Variants in IMMP2L observed in about 807,000 individuals in gnomAD.
IMMP2L encodes the protein mitochondrial inner membrane protease subunit 2.
IMMP2L carries 18 observed loss-of-function variants against 19.3 expected under a neutral mutation model. That is an observed-to-expected ratio of 0.93 (90% CI 0.64 to 1.38). IMMP2L has a LOEUF of 1.38. Ranked by LOEUF, IMMP2L falls within the 40% of genes most tolerant of loss-of-function variation. The pLI is 0.00. For synonymous variants in IMMP2L, 76 were observed against 73.0 expected, an observed-to-expected ratio of 1.04 and a Z score of -0.21; for missense variants, 233 against 218.2, an observed-to-expected ratio of 1.07 and a Z score of -0.43.
intron 3 of IMMP2L, among the ~76,000 whole-genome samples, chr7:111,162,441 A>C (rs1183013981): frequency 1.3e-5 from 2 of 152,104 alleles, no homozygotes; most frequent in Non-Finnish European, 2.9e-5. Flanking sequence ...GTGACTTTTT[A>C]AATGACAATA....
intron 3 of IMMP2L, among the ~76,000 whole-genome samples, chr7:111,262,991 A>G (rs1406752304): frequency 6.6e-6 from 1 of 152,160 alleles, no homozygotes; most frequent in Non-Finnish European, 1.5e-5. Context: ...GGAAGAGCCC[A>G]GTGTGGCTGC....
chr7:110,900,363 A>T (rs1811736714), intron 4 of IMMP2L, among the ~76,000 whole-genome samples: 1 of 152,166 alleles, frequency 6.6e-6, no homozygotes, highest in African/African-American at 2.4e-5. Context: ...AGGCAAAAAA[A>T]ATCCAGGATT....
At chr7:111,420,654 G>A (rs1179825109) in intron 3 of IMMP2L, among the ~76,000 whole-genome samples, 1 of 150,044 alleles carries the variant, frequency 6.7e-6, no homozygotes, top group Non-Finnish European at 1.5e-5. Flanking sequence ...AGAACATGCG[G>A]TGTCTGGTTT....
chr7:110,862,532 G>C (rs1807554985), intron 5 of IMMP2L, among the ~76,000 whole-genome samples: 1 of 150,822 alleles, frequency 6.6e-6, no homozygotes, highest in East Asian at 2.0e-4. Context: ...TTTTTGTAGA[G>C]ACAGGGTTTC....
intron 4 of IMMP2L, among the ~76,000 whole-genome samples, chr7:110,950,841 C>CATATACATATATATAT (rs1817723655): frequency 9.9e-6 from 1 of 100,634 alleles, no homozygotes; most frequent in South Asian, 3.3e-4. Context: ...CAAAATGTGG[C>CATATACATATATATAT]ATATATATAT....
chr7:111,210,727 T>C (rs892877856), intron 3 of IMMP2L, among the ~76,000 whole-genome samples: 1 of 152,136 alleles, frequency 6.6e-6, no homozygotes, highest in African/African-American at 2.4e-5. Flanking sequence ...AAAACTGCTC[T>C]TAATACCATG....
intron 3 of IMMP2L, among the ~76,000 whole-genome samples, chr7:111,472,382 A>G (rs537969778): frequency 1.4e-4 from 22 of 152,176 alleles, no homozygotes; most frequent in Non-Finnish European, 2.5e-4. Flanking sequence ...TTGCTCATTA[A>G]TGTAATATTC....
chr7:111,232,748 C>T (rs903473708), intron 3 of IMMP2L, among the ~76,000 whole-genome samples: 2 of 152,088 alleles, frequency 1.3e-5, no homozygotes, highest in African/African-American at 4.8e-5. Flanking sequence ...ATTCACTCTA[C>T]AGTTTCTCCT....
intron 5 of IMMP2L, among the ~76,000 whole-genome samples, chr7:110,763,421 G>C (rs1326311367): frequency 1.3e-5 from 2 of 152,052 alleles, no homozygotes; most frequent in African/African-American, 4.8e-5. Context: ...GCCCTACGGT[G>C]GGCAGTGTAC....
At chr7:111,376,550 C>CTA (rs546261280) in intron 3 of IMMP2L, among the ~76,000 whole-genome samples, 9 of 151,976 alleles carry the variant, frequency 5.9e-5, no homozygotes, top group Admixed American at 2.6e-4. Context: ...CTACTCCTAG[C>CTA]TATATATATA....
intron 2 of IMMP2L, among the ~76,000 whole-genome samples, chr7:111,503,087 GAA>G (rs1204529281): frequency 1.3e-5 from 2 of 151,514 alleles, no homozygotes; most frequent in Non-Finnish European, 2.9e-5. Context: ...GACTAATAAA[GAA>G]AAAAAGAGAG....
At chr7:111,549,383 C>T (rs1326104663) in intron 1 of IMMP2L, among the ~76,000 whole-genome samples, 2 of 152,122 alleles carry the variant, frequency 1.3e-5, no homozygotes, top group African/African-American at 2.4e-5. Context: ...CAAAAAGTGA[C>T]TTGTTCATGT....
chr7:111,028,418 T>C (rs781355701), intron 3 of IMMP2L, among the ~76,000 whole-genome samples: 1 of 152,138 alleles, frequency 6.6e-6, no homozygotes, highest in Non-Finnish European at 1.5e-5. Context: ...TTATACAAAT[T>C]AGATCTTGCA....
intron 3 of IMMP2L, among the ~76,000 whole-genome samples, chr7:111,206,453 G>A (rs1226837696): frequency 1.3e-5 from 2 of 151,724 alleles, no homozygotes; most frequent in Non-Finnish European, 2.9e-5. Context: ...TATGCATTTT[G>A]GTGTATAGCG....
intron 3 of IMMP2L, among the ~76,000 whole-genome samples, chr7:111,401,949 A>G (rs1833457537): frequency 6.6e-6 from 1 of 151,704 alleles, no homozygotes; most frequent in Non-Finnish European, 1.5e-5. Context: ...TCAAGGTTTT[A>G]AAAAAATAAT....
intron 5 of IMMP2L, among the ~76,000 whole-genome samples, chr7:110,742,706 G>A (rs1461750113): frequency 6.7e-6 from 1 of 149,002 alleles, no homozygotes; most frequent in Non-Finnish European, 1.5e-5. Flanking sequence ...GGCAGAGGTT[G>A]CAGTGCGCCA....
At chr7:111,145,671 G>A (rs903384629) in intron 3 of IMMP2L, among the ~76,000 whole-genome samples, 2 of 152,064 alleles carry the variant, frequency 1.3e-5, no homozygotes, top group South Asian at 4.1e-4. Flanking sequence ...ACTGAGCATC[G>A]CGTCAGGGTG....
At chr7:111,281,214 GAAAAA>G (rs1819801871) in intron 3 of IMMP2L, among the ~76,000 whole-genome samples, 22 of 30,852 alleles carry the variant, frequency 7.1e-4, no homozygotes, top group African/African-American at 2.5e-3. Context: ...AAGAAAGAAA[GAAAAA>G]GAAAGAAAGA....
At chr7:111,420,869 G>A (rs143389197) in intron 3 of IMMP2L, among the ~76,000 whole-genome samples, 3,138 of 151,756 alleles carry the variant, frequency 0.021, 192 homozygotes, top group African/African-American at 0.072. Flanking sequence ...ATAAACATAC[G>A]TGTGCATGTG....
Sources: gnomAD v4.1 joint callset for allele counts (sites outside exome capture counted in the v4.1 genomes callset) on GRCh38, gnomAD v4.1.1 for gene constraint, MANE v1.5 for transcripts, NCBI Gene and HGNC (gene_info 2026-07-23, HGNC 2026-07-21) for gene names.